The following CSGALNACT1 variants were observed in gnomAD, a reference collection of about 807,000 sequenced individuals.
CSGALNACT1 encodes chondroitin sulfate N-acetylgalactosaminyltransferase 1, also known as beta4GalNAcT-1.
In CSGALNACT1, 52 loss-of-function variants were observed where a neutral mutation model predicts 51.0. That is an observed-to-expected ratio of 1.02 (90% confidence interval 0.82 to 1.29). The LOEUF is 1.29. Among genes scored for constraint, CSGALNACT1 ranks in the 50% most tolerant of loss-of-function variants. The pLI, the probability that CSGALNACT1 is intolerant of heterozygous loss-of-function variation, is 0.00. For synonymous variants in CSGALNACT1, 341 were observed against 254.4 expected, an observed-to-expected ratio of 1.34 and a Z score of -3.24; for missense variants, 935 against 679.2, an observed-to-expected ratio of 1.38 and a Z score of -4.19.
chr8:19,682,825 T>C, upstream of CSGALNACT1: 2 of 437,022 alleles, frequency 4.6e-6, no homozygotes, highest in Admixed American at 4.8e-5. Context: ...AACACTATCC[T>C]GTTCTGCAAT....
At chr8:19,593,513 C>T (rs556603736) in intron 2 of CSGALNACT1, among the ~76,000 whole-genome samples, 165 of 152,006 alleles carry the variant, frequency 1.1e-3, no homozygotes, top group South Asian at 1.7e-3. Flanking sequence ...AGATGGCCCA[C>T]GGACTACACT....
rs76064050 is a variant in CSGALNACT1, at chr8:19,559,951, T to C, written c.-297+31209A>G. 7.3e-3 allele frequency among the ~76,000 whole-genome samples: 1,111 copies of C among 152,322 alleles called. 10 individuals are homozygous for C. The highest frequency in any genetic ancestry group is 0.012 in the Non-Finnish European group (800 of 68,030). On this transcript the variant is annotated intron_variant, in intron 3 of 9. Transcript: ENST00000454498. ...AGGGCCAACTATAATTAAGACTCTC[T>C]TGAAGTACCAGGCTGTTCTCTCAGA...
At chr8:19,559,038 G>A (rs558679388) in intron 3 of CSGALNACT1, among the ~76,000 whole-genome samples, 1 of 152,138 alleles carries the variant, frequency 6.6e-6, no homozygotes, top group South Asian at 2.1e-4. Context: ...AAGCAACTGT[G>A]GCTTTCACAA....
At chr8:19,660,915 T>TTG (rs945614482) in intron 1 of CSGALNACT1, among the ~76,000 whole-genome samples, 11 of 151,960 alleles carry the variant, frequency 7.2e-5, no homozygotes, top group African/African-American at 2.7e-4. Flanking sequence ...GTTTGTTTGT[T>TTG]TTGTTTTTGT....
intron 1 of CSGALNACT1, among the ~76,000 whole-genome samples, chr8:19,612,740 G>T (rs1466284907): frequency 6.6e-6 from 1 of 151,828 alleles, no homozygotes; most frequent in Non-Finnish European, 1.5e-5. Context: ...GAGATTCCGT[G>T]TATTTCTAAT....
chr8:19,640,986 A>C (rs930004115), intron 1 of CSGALNACT1, among the ~76,000 whole-genome samples: 1 of 152,036 alleles, frequency 6.6e-6, no homozygotes. Context: ...TAGAGTTCAG[A>C]CTGATCCTGT....
chr8:19,622,905 C>T (rs1363679172), intron 1 of CSGALNACT1, among the ~76,000 whole-genome samples: 1 of 151,940 alleles, frequency 6.6e-6, no homozygotes, highest in Non-Finnish European at 1.5e-5. Context: ...AATAGATACC[C>T]CAATTACAAG....
intron 4 of CSGALNACT1, among the ~76,000 whole-genome samples, chr8:19,495,769 AG>A (rs1335543307): frequency 6.6e-6 from 1 of 152,194 alleles, no homozygotes; most frequent in African/African-American, 2.4e-5. Flanking sequence ...TTCTGAACCA[AG>A]GGTTTGTGTG....
intron 1 of CSGALNACT1, among the ~76,000 whole-genome samples, chr8:19,755,456 C>CAAAAAAAAAAAAAAACAAAAAAAAAAA (rs2065301608): frequency 1.3e-5 from 1 of 74,532 alleles, no homozygotes. Context: ...TAAAGAAAGA[C>CAAAAAAAAAAAAAAACAAAAAAAAAAA]AAAAAAAAAA....
chr8:19,489,657 G>T (rs903126915), intron 4 of CSGALNACT1, among the ~76,000 whole-genome samples: 1 of 152,188 alleles, frequency 6.6e-6, no homozygotes, highest in Non-Finnish European at 1.5e-5. Flanking sequence ...GACAATCACA[G>T]GACACAAATG....
At chr8:19,502,235 T>G (rs959159212) in intron 4 of CSGALNACT1, among the ~76,000 whole-genome samples, 1 of 152,200 alleles carries the variant, frequency 6.6e-6, no homozygotes, top group Non-Finnish European at 1.5e-5. Context: ...TGAGAGATGG[T>G]TGCTTGGCAA....
intron 2 of CSGALNACT1, among the ~76,000 whole-genome samples, chr8:19,593,267 G>T (rs1221108981): frequency 6.6e-6 from 1 of 152,244 alleles, no homozygotes. Context: ...GCCTGCTGAA[G>T]ACTGTGCACT....
intron 3 of CSGALNACT1, among the ~76,000 whole-genome samples, chr8:19,522,601 C>T (rs541336038): frequency 2.0e-5 from 3 of 152,248 alleles, no homozygotes; most frequent in Non-Finnish European, 4.4e-5. Context: ...TAGTTGTACA[C>T]ATGGGGCTGC....
chr8:19,505,884 G>GC lies in CSGALNACT1; in HGVS notation c.-51dup. 6.2e-7 allele frequency: 1 copy of GC among 1,600,492 alleles called. No homozygotes were observed. The highest frequency in any genetic ancestry group is 8.5e-7 in the Non-Finnish European group (1 of 1,179,062). ...ACCGGTGGCATCCCTCAAAGCCGGG[G>GC]CCCCCACGGAAGGGCTTCCCTGGGC... On this transcript the variant is annotated 5_prime_UTR_variant, in exon 4 of 10. An upstream open reading frame in the 5' UTR gains an earlier in-frame stop. Coordinates refer to ENST00000454498, the Ensembl canonical transcript of CSGALNACT1.
At chr8:19,621,386 T>C (rs1435710495) in intron 1 of CSGALNACT1, among the ~76,000 whole-genome samples, 2 of 152,218 alleles carry the variant, frequency 1.3e-5, no homozygotes, top group Non-Finnish European at 2.9e-5. Flanking sequence ...GATTTGTTAA[T>C]TTTTATACAA....
chr8:19,660,089 T>C (rs1297096735), intron 1 of CSGALNACT1, among the ~76,000 whole-genome samples: 1 of 152,222 alleles, frequency 6.6e-6, no homozygotes, highest in Non-Finnish European at 1.5e-5. Context: ...GTCTTACAAC[T>C]AGGATGTGGC....
upstream of CSGALNACT1, among the ~76,000 whole-genome samples, chr8:19,603,160 G>A (rs2050816773): frequency 6.7e-6 from 1 of 149,648 alleles, no homozygotes; most frequent in Non-Finnish European, 1.5e-5. Context: ...AAGAAAAACA[G>A]GCCCAGAAAG....
intron 7 of CSGALNACT1, 61 bp downstream of exon 6, chr8:19,420,278 GA>G: frequency 2.0e-6 from 3 of 1,489,358 alleles, no homozygotes; most frequent in Non-Finnish European, 2.8e-6. Flanking sequence ...CCATCAAGAG[GA>G]CGACACATGG....
At position 19,549,437 on chromosome 8, in the gene CSGALNACT1, C is replaced by T. The variant is rs1045636826; in HGVS notation, c.-297+41723G>A. On this transcript the variant is annotated intron_variant, in intron 3 of 9. Coordinates refer to ENST00000454498, the Ensembl canonical transcript of CSGALNACT1. Reference sequence around the variant, plus strand: ...GTATCTAACATTAATTTTCCCCACACTCTAACACAGAACTAGAAAACTGAT... The same window carrying T: ...GTATCTAACATTAATTTTCCCCACATTCTAACACAGAACTAGAAAACTGAT... 2.0e-5 allele frequency among the ~76,000 whole-genome samples: 3 copies of T among 152,128 alleles called. No individual in the cohort carries two copies. In the East Asian group the frequency reaches 5.8e-4, roughly 29 times the overall value.
Sources: allele counts gnomAD v4.1 joint callset (sites outside exome capture counted in the v4.1 genomes callset), GRCh38; gene constraint gnomAD v4.1.1; transcripts MANE v1.5; gene names NCBI Gene and HGNC (gene_info 2026-07-23, HGNC 2026-07-21).